Variants in SLC6A12 observed in about 807,000 individuals in gnomAD.
The protein encoded by SLC6A12 is solute carrier family 6 member 12, also known as sodium- and chloride-dependent betaine transporter.
A neutral mutation model predicts 73.3 loss-of-function variants in SLC6A12; 50 were observed. The ratio of observed to expected loss-of-function variants is 0.68; its 90% CI spans 0.54 to 0.86. The LOEUF (loss-of-function observed/expected upper bound fraction) is 0.86, where lower values mean the gene tolerates loss of function less well. Ranked by LOEUF, SLC6A12 falls within the 40% of genes least tolerant of loss-of-function variation. The pLI is 0.00. For missense variants in SLC6A12, 648 were observed against 772.8 expected, an observed-to-expected ratio of 0.84 and a Z score of 1.92; for synonymous variants, 304 against 309.2, an observed-to-expected ratio of 0.98 and a Z score of 0.18.
chr12:186,094 A>T (rs369554328), downstream of SLC6A12, among the ~76,000 whole-genome samples: 21 of 147,130 alleles, frequency 1.4e-4, no homozygotes, highest in Non-Finnish European at 1.8e-4. Context: ...GGGTCAGAGG[A>T]GGTGAGGCTG....
downstream of SLC6A12, among the ~76,000 whole-genome samples, chr12:185,763 G>A (rs74055601): frequency 0.012 from 1,851 of 152,314 alleles, 30 homozygotes; most frequent in African/African-American, 0.042. Flanking sequence ...TGGCCAGACT[G>A]GAAGCAGAGA....
intron 13 of SLC6A12, 53 bp downstream of exon 13, chr12:195,172 G>T: frequency 8.5e-7 from 1 of 1,181,516 alleles, no homozygotes; most frequent in Non-Finnish European, 1.3e-6. Context: ...CCCCTGGCTG[G>T]CTAGACGGTC....
At chr12:189,826 C>G (rs1036014371), downstream of SLC6A12, among the ~76,000 whole-genome samples, 1 of 120,212 alleles carries the variant, frequency 8.3e-6, no homozygotes, top group African/African-American at 3.9e-5. Flanking sequence ...AAGGAGGGCA[C>G]CCCCACACCC....
chr12:196,233 G>A lies in SLC6A12; in HGVS notation c.1217C>T (p.Ala406Val). The change falls in exon 12 of 16, where the codon GCC becomes GTC. Residue 406 changes from alanine (A) to valine (V), a missense_variant. Coordinates refer to ENST00000684302, the MANE Select transcript of SLC6A12 (RefSeq NM_001122848.3). ...QFVCVECLVT[A>V]SIDMFPRQLR... The stretch of plus-strand genomic sequence containing the variant: ...CTGCCTGGGGAACATGTCTATGGAG[G>A]CTGTCACCAGGCACTCCACACAGAC... 6.2e-7 allele frequency: 1 copy of A among 1,605,890 alleles called. No individual in the cohort carries two copies. Among genetic ancestry groups the A allele is most frequent in the Non-Finnish European group, 8.5e-7 (1 of 1,177,388 alleles).
Position 200,736 on chromosome 12 carries a change from A to T in SLC6A12, c.626T>A (p.Leu209Gln), listed in dbSNP as rs748215528. 6.2e-7 allele frequency: 1 copy of T among 1,613,948 alleles called. No individual in the cohort carries two copies. Among genetic ancestry groups the T allele is most frequent in the South Asian group, 1.1e-5 (1 of 91,074 alleles). The stretch of plus-strand genomic sequence containing the variant: ...GAGGCACAGGGCCAGCTCCCAGCGC[A>T]GGGAGCCCAGGTCATGGATGCCCGA... The part of the protein sequence containing the change: ...ITSGIHDLGS[L>Q]RWELALCLLL... Residue 209 changes from leucine (L) to glutamine (Q), a missense_variant, in exon 7 of 16, where the codon CTG (leucine) becomes CAG (glutamine). Coordinates refer to ENST00000684302, the MANE Select transcript of SLC6A12 (RefSeq NM_001122848.3).
At chr12:191,828 C>T (rs1939613529) in intron 15 of SLC6A12, among the ~76,000 whole-genome samples, 1 of 152,182 alleles carries the variant, frequency 6.6e-6, no homozygotes, top group African/African-American at 2.4e-5. Context: ...AAAGTCTGGT[C>T]CCTAAGGGCC....
chr12:187,589 C>CAAAAGAGCAAAAAAAAAAAA (rs1939453849), downstream of SLC6A12, among the ~76,000 whole-genome samples: 3 of 106,066 alleles, frequency 2.8e-5, no homozygotes, highest in African/African-American at 1.6e-4. Context: ...TGCAAAAGAG[C>CAAAAGAGCAAAAAAAAAAAA]AAAAAAAAAA....
intron 5 of SLC6A12, among the ~76,000 whole-genome samples, chr12:202,063 G>GC (rs1276063189): frequency 6.6e-6 from 1 of 152,112 alleles, no homozygotes; most frequent in Non-Finnish European, 1.5e-5. Flanking sequence ...TCACCTGGCT[G>GC]CCCTGCCAAC....
In SLC6A12 at chr12:204,616, G is replaced by A. The variant is rs1300109068; in HGVS notation, c.297C>T (p.Tyr99=). 2 of 1,614,186 alleles carry A rather than the reference G, an allele frequency of 1.2e-6. No homozygotes were observed. Among genetic ancestry groups the A allele is most frequent in the Non-Finnish European group, 1.7e-6 (2 of 1,179,990 alleles). The change falls in exon 4 of 16, where the codon TAC becomes TAT. Residue 99 remains tyrosine, a synonymous_variant. Transcript: ENST00000684302. ...VFFLEVALGQ[Y]TSQGSVTAWR... ...AGGCTGTGACACTCCCTTGGCTGGT[G>A]TATTGGCCCAACGCCACCTCCAGGA...
At chr12:186,485 G>A (rs1167476040), downstream of SLC6A12, among the ~76,000 whole-genome samples, 8 of 152,218 alleles carry the variant, frequency 5.3e-5, no homozygotes, top group African/African-American at 1.2e-4. Context: ...GGGCCCACTT[G>A]GCTGGGCATT....
In SLC6A12 at chr12:214,122, G is replaced by GCCGT. The variant is rs1941012793; in HGVS notation, c.-347_-344dup. On this transcript the variant is annotated 5_prime_UTR_variant, in exon 1 of 16. Coordinates refer to ENST00000684302, the MANE Select transcript of SLC6A12 (RefSeq NM_001122848.3). The surrounding 1 kb of genome is among the most constrained non-coding windows in gnomAD (Gnocchi z 4.2). Reference sequence around the variant, plus strand: ...TCCAGGGACTCCCAGACAGAAAGAAGCCGTGTGTGTATGTGTTGGGGCGGG... The same window carrying GCCGT: ...TCCAGGGACTCCCAGACAGAAAGAAGCCGTCCGTGTGTGTATGTGTTGGGGCGGG... 6.5e-6 allele frequency: 1 copy of GCCGT among 152,912 alleles called. No individual in the cohort carries two copies. The highest frequency in any genetic ancestry group is 6.5e-5 in the Admixed American group (1 of 15,306). The allele number at this position is 152,912 out of a possible 1,614,324, so 9.5% of individuals were successfully genotyped here.
chr12:188,295 G>A (rs1221667852), downstream of SLC6A12, among the ~76,000 whole-genome samples: 1 of 152,192 alleles, frequency 6.6e-6, no homozygotes, highest in African/African-American at 2.4e-5. Context: ...GCGAGAAATT[G>A]AGCACAGCAG....
intron 11 of SLC6A12, 126 bp downstream of exon 11, chr12:196,644 T>C: frequency 2.7e-6 from 2 of 733,540 alleles, no homozygotes; most frequent in Non-Finnish European, 4.7e-6. Flanking sequence ...GGAAAAGCCC[T>C]GGACAGCAGA....
downstream of SLC6A12, among the ~76,000 whole-genome samples, chr12:187,420 G>C (rs1308702329): frequency 6.6e-6 from 1 of 151,772 alleles, no homozygotes; most frequent in Admixed American, 6.6e-5. Flanking sequence ...TTCGCGATGA[G>C]TGCTACAACT....
chr12:196,364 G>A, intron 11 of SLC6A12, 103 bp from the exon 12 acceptor site: 3 of 1,402,098 alleles, frequency 2.1e-6, no homozygotes, highest in Non-Finnish European at 2.9e-6. Flanking sequence ...ATGCACAGGG[G>A]TGCAGGGAGC....
chr12:187,968 G>C (rs933813083), downstream of SLC6A12, among the ~76,000 whole-genome samples: 8 of 152,202 alleles, frequency 5.3e-5, no homozygotes, highest in African/African-American at 1.9e-4. Flanking sequence ...GCTAGATACA[G>C]AGTGCCGATT....
intron 2 of SLC6A12, chr12:211,173 A>C (rs1940891171): frequency 6.6e-6 from 1 of 152,214 alleles, no homozygotes; most frequent in African/African-American, 2.4e-5. Flanking sequence ...GACCAGGTCT[A>C]CCAAGTGCCC....
At chr12:201,116 A>T (rs1445722177) in intron 6 of SLC6A12, 2 of 235,420 alleles carry the variant, frequency 8.5e-6, no homozygotes, top group South Asian at 1.6e-4. Flanking sequence ...TATCCCGTGC[A>T]GGGGCTGAGT....
At chr12:188,366 C>T (rs550900732), downstream of SLC6A12, among the ~76,000 whole-genome samples, 4 of 152,094 alleles carry the variant, frequency 2.6e-5, no homozygotes, top group East Asian at 5.8e-4. Flanking sequence ...CAGGCCGCTC[C>T]GATTGTGGGG....
Sources: allele counts gnomAD v4.1 joint callset (sites outside exome capture counted in the v4.1 genomes callset), GRCh38; gene constraint gnomAD v4.1.1; non-coding constraint Gnocchi (gnomAD v3.1); transcripts MANE v1.5; gene names NCBI Gene and HGNC (gene_info 2026-07-23, HGNC 2026-07-21).